BABAM2: variants seen among roughly 807,000 people sequenced by gnomAD.
BABAM2 encodes BRISC and BRCA1-A complex member 2.
In BABAM2, 31 loss-of-function variants were observed where a neutral mutation model predicts 54.7. The observed-to-expected ratio is 0.57, with a 90% CI of 0.43 to 0.77. The LOEUF is 0.77. Ranked by LOEUF, BABAM2 falls within the 30% of genes least tolerant of loss-of-function variation. The pLI, the probability that BABAM2 is intolerant of heterozygous loss-of-function variation, is 0.00. For synonymous variants in BABAM2, 167 were observed against 162.9 expected, an observed-to-expected ratio of 1.03 and a Z score of -0.19; for missense variants, 364 against 455.8, an observed-to-expected ratio of 0.80 and a Z score of 1.83.
chr2:28,152,170 A>C (rs1672117798), intron 7 of BABAM2, among the ~76,000 whole-genome samples: 1 of 152,120 alleles, frequency 6.6e-6, no homozygotes, highest in South Asian at 2.1e-4. Flanking sequence ...AAATTTAGCA[A>C]TCCATTTCTT....
intron 2 of BABAM2, among the ~76,000 whole-genome samples, chr2:27,928,463 T>TTTCTC (rs111357701): frequency 0.73 from 111,005 of 151,328 alleles, 41,782 homozygotes; most frequent in Middle Eastern, 0.88. Context: ...GTCTGGTTCT[T>TTTCTC]TTTCACATTC....
At chr2:28,208,209 G>T (rs1356635870) in intron 7 of BABAM2, among the ~76,000 whole-genome samples, 1 of 152,202 alleles carries the variant, frequency 6.6e-6, no homozygotes, top group Non-Finnish European at 1.5e-5. Context: ...CAGCCTGGCT[G>T]CAGTCAGAGT....
At chr2:28,192,826 G>C (rs1189211552) in intron 7 of BABAM2, among the ~76,000 whole-genome samples, 1 of 151,854 alleles carries the variant, frequency 6.6e-6, no homozygotes, top group South Asian at 2.1e-4. Context: ...CCGGCCTATA[G>C]CTCCTTTTTA....
chr2:28,297,958 TAGAA>T (rs1341248847), intron 10 of BABAM2, among the ~76,000 whole-genome samples: 3 of 152,134 alleles, frequency 2.0e-5, no homozygotes, highest in Non-Finnish European at 2.9e-5. Flanking sequence ...TTAAAACAGA[TAGAA>T]AGAGAACTCT....
At chr2:28,278,925 T>A (rs966730290) in intron 10 of BABAM2, among the ~76,000 whole-genome samples, 1 of 152,206 alleles carries the variant, frequency 6.6e-6, no homozygotes. Flanking sequence ...GAAACACTCA[T>A]GCCTTAGAGT....
chr2:27,996,497 C>T (rs1673153405), intron 4 of BABAM2: 1 of 154,808 alleles, frequency 6.5e-6, no homozygotes, highest in Non-Finnish European at 1.5e-5. Context: ...AACACACAAG[C>T]AGTGTGGATC....
chr2:27,999,751 G>C (rs564052069), intron 4 of BABAM2, among the ~76,000 whole-genome samples: 1 of 152,316 alleles, frequency 6.6e-6, no homozygotes, highest in South Asian at 2.1e-4. Context: ...TCCTGAAATA[G>C]TTACGAACTT....
In BABAM2 at chr2:28,183,586, C is replaced by T. The variant is rs572785860; in HGVS notation, c.681-53616C>T. On this transcript the variant is annotated intron_variant, in intron 7 of 11. Transcript: ENST00000379624. The stretch of plus-strand genomic sequence containing the variant: ...CTTTACAAAAAACAACATTCTCCAG[C>T]TCAGCCACCTTATCATAGACTCCCC... Among the ~76,000 whole-genome samples the T allele has an allele frequency of 2.6e-5, 4 of 152,254 alleles. 1 individual carries two copies. The South Asian group carries it at 8.3e-4, about 32-fold the overall frequency.
At chr2:28,156,008 T>C (rs543539821) in intron 7 of BABAM2, among the ~76,000 whole-genome samples, 25 of 152,348 alleles carry the variant, frequency 1.6e-4, no homozygotes, top group African/African-American at 6.0e-4. Context: ...AAAAGTAGAG[T>C]AATTTGATTA....
chr2:28,099,117 T>G (rs775687266), intron 6 of BABAM2, among the ~76,000 whole-genome samples: 1 of 152,210 alleles, frequency 6.6e-6, no homozygotes, highest in Non-Finnish European at 1.5e-5. Context: ...TGACTGTGAT[T>G]TATTATTACA....
In BABAM2 at chr2:28,238,840, C is replaced by CAA. The variant is rs34113096; in HGVS notation, c.780+1547_780+1548dup. ...TTAATTTCTAGTCATACATTTTCCT[C>CAA]AAAAAAAAATTATAACACCGTTTTC... On this transcript the variant is annotated intron_variant, in intron 8 of 11. Transcript: ENST00000379624. 3.6e-3 allele frequency among the ~76,000 whole-genome samples: 552 copies of CAA among 151,570 alleles called. 2 individuals carry two copies. The highest frequency in any genetic ancestry group is 0.012 in the African/African-American group (503 of 41,374).
chr2:27,941,984 CA>C (rs1298237964), intron 3 of BABAM2, among the ~76,000 whole-genome samples: 1 of 152,114 alleles, frequency 6.6e-6, no homozygotes, highest in Non-Finnish European at 1.5e-5. Context: ...ACCTGAAATT[CA>C]ACTTCATTTT....
rs1691702885 is a variant in BABAM2 at position 28,338,879 on chromosome 2, CCCTCGCTGTTCTT to C, written c.*371_*383del. 8.3e-6 allele frequency: 2 copies of C among 241,982 alleles called. No homozygotes were observed. The highest frequency in any genetic ancestry group is 2.3e-5 in the African/African-American group (1 of 43,828). 15.0% of individuals were successfully genotyped at this position (241,982 alleles called of 1,614,324 possible). The stretch of plus-strand genomic sequence containing the variant: ...CCTCTTAAGTTCTAAGATTAAATGC[CCCTCGCTGTTCTT>C]CCTCTGAAACTAGTGTCTTCCCTCT... On this transcript the variant is annotated 3_prime_UTR_variant, in exon 12 of 12. Coordinates refer to ENST00000379624, the MANE Select transcript of BABAM2 (RefSeq NM_199191.3).
chr2:28,142,170 A>G (rs563933894), intron 7 of BABAM2, among the ~76,000 whole-genome samples: 5 of 152,210 alleles, frequency 3.3e-5, no homozygotes, highest in Non-Finnish European at 7.3e-5. Flanking sequence ...GTCCTGTAAT[A>G]GAGGGATTAA....
intron 2 of BABAM2, among the ~76,000 whole-genome samples, chr2:27,922,679 GTACTC>G (rs1441753399): frequency 6.6e-6 from 1 of 152,214 alleles, no homozygotes; most frequent in East Asian, 1.9e-4. Flanking sequence ...AATCCTTTCT[GTACTC>G]TAACACCAAG....
chr2:27,912,970 A>G (rs901969933), intron 2 of BABAM2, among the ~76,000 whole-genome samples: 1 of 152,184 alleles, frequency 6.6e-6, no homozygotes, highest in African/African-American at 2.4e-5. Flanking sequence ...GAAAACCAAG[A>G]TGAATAGGGA....
chr2:28,313,753 T>C (rs1324368851), intron 11 of BABAM2, among the ~76,000 whole-genome samples: 3 of 152,214 alleles, frequency 2.0e-5, no homozygotes, highest in Non-Finnish European at 4.4e-5. Context: ...GCTCACTATA[T>C]GCAGAATATG....
At chr2:28,115,711 C>T (rs866446347) in intron 6 of BABAM2, among the ~76,000 whole-genome samples, 8 of 151,720 alleles carry the variant, frequency 5.3e-5, no homozygotes, top group Non-Finnish European at 1.5e-5. Context: ...GGGATGTAGA[C>T]CGGGGAGAAG....
chr2:28,080,553 G>A (rs2148672197), intron 6 of BABAM2, among the ~76,000 whole-genome samples: 1 of 152,250 alleles, frequency 6.6e-6, no homozygotes, highest in East Asian at 1.9e-4. Flanking sequence ...CTAGTCTGAT[G>A]ATGGCTTTTT....
Sources: gnomAD v4.1 joint callset for allele counts (sites outside exome capture counted in the v4.1 genomes callset) on GRCh38, gnomAD v4.1.1 for gene constraint, MANE v1.5 for transcripts, NCBI Gene and HGNC (gene_info 2026-07-23, HGNC 2026-07-21) for gene names.